Variants in PGM2 observed in about 807,000 individuals in gnomAD.
PGM2 encodes the protein phosphoglucomutase 2.
PGM2 carries 57 observed loss-of-function variants against 74.6 expected under a neutral mutation model. The observed-to-expected ratio is 0.76, with a 90% confidence interval of 0.62 to 0.95. PGM2 has a LOEUF of 0.95. PGM2 is among the 40% of genes least tolerant of loss of function. The pLI, the probability that PGM2 is intolerant of heterozygous loss-of-function variation, is 0.00. For missense variants in PGM2, 706 were observed against 741.9 expected, an observed-to-expected ratio of 0.95 and a Z score of 0.56; for synonymous variants, 273 against 260.7, an observed-to-expected ratio of 1.05 and a Z score of -0.46.
intron 4 of PGM2, among the ~76,000 whole-genome samples, chr4:37,837,982 G>T (rs1725613612): frequency 6.6e-6 from 1 of 152,048 alleles, no homozygotes; most frequent in South Asian, 2.1e-4. Flanking sequence ...CCGGGTTCAA[G>T]CAATTCTACT....
At position 37,837,575 on chromosome 4, in the gene PGM2, G is replaced by A; in HGVS notation, c.403G>A (p.Val135Met). Residue 135 changes from valine (V) to methionine (M), a missense_variant, in exon 4 of 14, where the codon GTG becomes ATG. By Grantham distance (21) the Val-to-Met change is conservative. This residue lies in a region of PGM2 where 332 missense variants were observed against 334.9 expected (regional missense o/e 0.99). Transcript: ENST00000381967. ...CACATTTATCAGTCAGGGGATTCCT[G>A]TGTACCTCTTTTCTGATATAACGCC... The part of the protein sequence containing the change: ...ATTFISQGIP[V>M]YLFSDITPTP... 1.9e-6 allele frequency: 3 copies of A among 1,613,328 alleles called. No individual in the cohort carries two copies. The highest frequency in any genetic ancestry group is 2.5e-6 in the Non-Finnish European group (3 of 1,179,282).
rs1180339469 is a variant in PGM2 at position 37,851,962 on chromosome 4, T to TTTTCTTTC, written c.1602+1591_1602+1592insTCTTTCTT. ...TTGTATTTCCTGTACCTTTTGTTTG[T>TTTTCTTTC]TTGTTTTCTTTTTTTTTGGAGACAG... On this transcript the variant is annotated intron_variant, in intron 12 of 13. Transcript: ENST00000381967. 1.9e-3 allele frequency among the ~76,000 whole-genome samples: 120 copies of TTTTCTTTC among 64,186 alleles called. 12 individuals are homozygous for TTTTCTTTC. Among genetic ancestry groups the TTTTCTTTC allele is most frequent in the Non-Finnish European group, 2.3e-3 (51 of 22,324 alleles). 42.1% of individuals were successfully genotyped at this position (64,186 alleles called of 152,430 possible). A position where few individuals can be genotyped will look rare whatever the true frequency, so the allele number is the denominator to read the frequency against.
rs1228180407 is a variant in PGM2, at chr4:37,862,240, A to G, written c.*628A>G. ...TTAGTACATCGTACACGTGCTAGGAAAAAACAGCTTCAGTGTCTTTGTTTA... is the reference window on the plus strand; with the variant it reads ...TTAGTACATCGTACACGTGCTAGGAGAAAACAGCTTCAGTGTCTTTGTTTA... On this transcript the variant is annotated 3_prime_UTR_variant, in exon 14 of 14. Coordinates refer to ENST00000381967, the MANE Select transcript of PGM2 (RefSeq NM_018290.4). 2 of 152,160 alleles carry G rather than the reference A, an allele frequency of 1.3e-5. No homozygotes were observed. Among genetic ancestry groups the G allele is most frequent in the Non-Finnish European group, 2.9e-5 (2 of 68,032 alleles). 9.4% of individuals were successfully genotyped at this position (152,160 alleles called of 1,614,324 possible).
chr4:37,831,013 G>A (rs1188417319), intron 2 of PGM2, among the ~76,000 whole-genome samples: 1 of 151,996 alleles, frequency 6.6e-6, no homozygotes, highest in Non-Finnish European at 1.5e-5. Context: ...GAGCAACATG[G>A]TGAAACCCTG....
intron 1 of PGM2, among the ~76,000 whole-genome samples, chr4:37,829,235 G>A (rs562286834): frequency 7.2e-5 from 11 of 152,028 alleles, no homozygotes; most frequent in Admixed American, 2.6e-4. Context: ...TCATGTTAGC[G>A]TCTATTTGAA....
chr4:37,845,603 A>G (rs1422895793), intron 7 of PGM2, 30 bp from the exon 8 acceptor site: 9 of 1,416,218 alleles, frequency 6.4e-6, no homozygotes, highest in Non-Finnish European at 9.0e-6. Context: ...TCTTGATTAA[A>G]TAATCTTTTA....
intron 2 of PGM2, among the ~76,000 whole-genome samples, chr4:37,834,070 C>G (rs558432900): frequency 6.6e-6 from 1 of 152,106 alleles, no homozygotes; most frequent in Non-Finnish European, 1.5e-5. Context: ...TGCAGTGGCC[C>G]ACACCTGTAA....
intron 1 of PGM2, among the ~76,000 whole-genome samples, chr4:37,829,170 T>G (rs1028655980): frequency 7.3e-5 from 11 of 151,468 alleles, no homozygotes; most frequent in African/African-American, 2.7e-4. Context: ...CATAACATTT[T>G]CTGCAACTAC....
chr4:37,849,708 C>T (rs1725983533), intron 11 of PGM2, among the ~76,000 whole-genome samples: 1 of 151,958 alleles, frequency 6.6e-6, no homozygotes, highest in African/African-American at 2.4e-5. Flanking sequence ...TGTGCCTGGC[C>T]TAGACCTCTG....
intron 3 of PGM2, among the ~76,000 whole-genome samples, chr4:37,835,393 T>C (rs954875862): frequency 6.6e-6 from 1 of 152,120 alleles, no homozygotes; most frequent in African/African-American, 2.4e-5. Flanking sequence ...CCATCACCAC[T>C]ACTCACCTCT....
chr4:37,832,577 T>G (rs1000251733), intron 2 of PGM2, among the ~76,000 whole-genome samples: 1 of 152,236 alleles, frequency 6.6e-6, no homozygotes, highest in African/African-American at 2.4e-5. Context: ...TTTGCCTCAT[T>G]GATAGAGGTT....
intron 10 of PGM2, 71 bp downstream of exon 10, chr4:37,847,366 AGAT>A: frequency 8.9e-7 from 1 of 1,128,364 alleles, no homozygotes; most frequent in Non-Finnish European, 1.3e-6. Context: ...TGGGATTCAA[AGAT>A]CCACAGTGAA....
chr4:37,850,532 G>C (rs942258184), intron 12 of PGM2, among the ~76,000 whole-genome samples, 159 bp downstream of exon 12: 45 of 152,226 alleles, frequency 3.0e-4, no homozygotes, highest in Admixed American at 1.2e-3. Flanking sequence ...CGGATGTGGT[G>C]GCTCATGCCT....
At chr4:37,851,545 A>C (rs1726039936) in intron 12 of PGM2, among the ~76,000 whole-genome samples, 1 of 152,196 alleles carries the variant, frequency 6.6e-6, no homozygotes, top group East Asian at 1.9e-4. Context: ...ACGTTCTTTG[A>C]TATTTTCTTT....
intron 12 of PGM2, 50 bp downstream of exon 12, chr4:37,850,423 A>G: frequency 9.5e-7 from 1 of 1,052,156 alleles, no homozygotes; most frequent in Non-Finnish European, 1.3e-6. Flanking sequence ...TTTACCTTTT[A>G]AAATAATTTG....
At chr4:37,851,245 C>T (rs534725108) in intron 12 of PGM2, among the ~76,000 whole-genome samples, 2 of 152,284 alleles carry the variant, frequency 1.3e-5, no homozygotes, top group Middle Eastern at 3.4e-3. Flanking sequence ...CTGGACTTTC[C>T]GATTCAGTAG....
rs866824985 is a variant in PGM2 at position 37,839,699 on chromosome 4, T to C, written c.442-149T>C. ...AATTCTAAGGGTAATTGCATACTGC[T>C]GGGGTGTGGCTCAAAAATATTATGC... On this transcript the variant is annotated intron_variant, in intron 4 of 13. Coordinates refer to ENST00000381967, the MANE Select transcript of PGM2 (RefSeq NM_018290.4). 7 of 699,290 alleles carry C rather than the reference T, an allele frequency of 1.0e-5. 1 individual carries two copies. In the Middle Eastern group the frequency reaches 1.4e-3, roughly 140 times the overall value. The allele number at this position is 699,290 out of a possible 1,614,324, so 43.3% of individuals were successfully genotyped here.
At chr4:37,849,302 T>C (rs1725968143) in intron 11 of PGM2, among the ~76,000 whole-genome samples, 1 of 151,624 alleles carries the variant, frequency 6.6e-6, no homozygotes, top group African/African-American at 2.4e-5. Flanking sequence ...TGCGTAAGCA[T>C]CCAAAGAGAA....
chr4:37,830,180 A>C, intron 2 of PGM2, 49 bp downstream of exon 2: 2 of 1,312,600 alleles, frequency 1.5e-6, no homozygotes, highest in East Asian at 2.5e-5. Flanking sequence ...CCCCTAGCTC[A>C]TTTTCTATTT....
Sources: allele counts gnomAD v4.1 joint callset (sites outside exome capture counted in the v4.1 genomes callset), GRCh38; gene constraint gnomAD v4.1.1; regional missense constraint gnomAD v4.1.1; transcripts MANE v1.5; gene names NCBI Gene and HGNC (gene_info 2026-07-23, HGNC 2026-07-21).